Variants in NR3C1 observed in about 807,000 individuals in gnomAD.
NR3C1 encodes the protein nuclear receptor subfamily 3 group C member 1.
Under a neutral mutation model 74.0 loss-of-function variants are expected in NR3C1, and 14 were observed. That is an observed-to-expected ratio of 0.19 (90% confidence interval 0.12 to 0.30). The LOEUF (loss-of-function observed/expected upper bound fraction) is 0.30, where lower values mean the gene tolerates loss of function less well. Ranked by LOEUF, NR3C1 falls within the 10% of genes least tolerant of loss-of-function variation. The probability of loss-of-function intolerance (pLI) is 1.00; values close to 1 mark genes in which losing one functional copy is unlikely to be tolerated. For missense variants in NR3C1, 695 were observed against 909.8 expected, an observed-to-expected ratio of 0.76 and a Z score of 3.04; for synonymous variants, 308 against 332.5, an observed-to-expected ratio of 0.93 and a Z score of 0.80.
At chr5:143,429,391 T>C (rs563401296) in intron 1 of NR3C1, among the ~76,000 whole-genome samples, 2 of 152,322 alleles carry the variant, frequency 1.3e-5, no homozygotes, top group East Asian at 1.9e-4. Flanking sequence ...AGTTTACAGT[T>C]ACAAATTGGT....
At chr5:143,298,906 C>G (rs892483361) in intron 5 of NR3C1, 94 bp from the exon 6 acceptor site, 2 of 1,250,614 alleles carry the variant, frequency 1.6e-6, no homozygotes, top group East Asian at 5.3e-5. Flanking sequence ...TTAGCCCTGT[C>G]AAAACAAGGG....
chr5:143,383,136 C>T (rs1054453390), intron 2 of NR3C1, among the ~76,000 whole-genome samples: 8 of 152,182 alleles, frequency 5.3e-5, no homozygotes, highest in African/African-American at 1.2e-4. Flanking sequence ...GAATGTAACA[C>T]CCATAAACCA....
chr5:143,332,375 G>A (rs1826152252), intron 2 of NR3C1, among the ~76,000 whole-genome samples: 1 of 118,118 alleles, frequency 8.5e-6, no homozygotes, highest in Non-Finnish European at 1.6e-5. Flanking sequence ...TAACATCTGA[G>A]CTATAAGGAT....
intron 2 of NR3C1, among the ~76,000 whole-genome samples, chr5:143,345,222 GTTT>G (rs1056547616): frequency 1.3e-5 from 2 of 152,054 alleles, no homozygotes; most frequent in Non-Finnish European, 2.9e-5. Flanking sequence ...TATTATTATT[GTTT>G]TTTGAGACAG....
rs1443658841 is a variant in NR3C1 at position 143,281,779 on chromosome 5, G to A, written c.*110C>T. 4 of 1,234,696 alleles carry A rather than the reference G, an allele frequency of 3.2e-6. No individual in the cohort carries two copies. The highest frequency in any genetic ancestry group is 1.3e-5 in the South Asian group (1 of 78,174). The allele number at this position is 1,234,696 out of a possible 1,614,324, so 76.5% of individuals were successfully genotyped here. On this transcript the variant is annotated 3_prime_UTR_variant, in exon 9 of 9. Coordinates refer to ENST00000394464, the MANE Select transcript of NR3C1 (RefSeq NM_000176.3). ...GCGTATTTAAAACAAAACAACAGAT[G>A]AAAACAATAAAAAATAAAACAACAA...
intron 2 of NR3C1, among the ~76,000 whole-genome samples, chr5:143,349,151 CAG>C (rs1260277550): frequency 6.6e-6 from 1 of 152,124 alleles, no homozygotes; most frequent in Non-Finnish European, 1.5e-5. Flanking sequence ...GATTGTTAAA[CAG>C]TGGTAGTATA....
At chr5:143,295,247 ACC>A in intron 7 of NR3C1, 1 of 985,046 alleles carries the variant, frequency 1.0e-6, no homozygotes, top group Non-Finnish European at 1.2e-6. Flanking sequence ...CAGCTCATAT[ACC>A]TCTCTGTTTC....
Position 143,348,029 on chromosome 5 carries a change from G to A in NR3C1, c.1185-33861C>T, listed in dbSNP as rs534361026. Among the ~76,000 whole-genome samples the A allele has an allele frequency of 3.3e-5, 5 of 152,232 alleles. No homozygotes were observed. The South Asian group carries it at 1.0e-3, about 32-fold the overall frequency. Reference sequence around the variant, plus strand: ...TGAGGACTACACCCTCAAAATACAGGCAGCTTGACAGAGTAAACCTGCCTA... The same window carrying A: ...TGAGGACTACACCCTCAAAATACAGACAGCTTGACAGAGTAAACCTGCCTA... On this transcript the variant is annotated intron_variant, in intron 2 of 8. Coordinates refer to ENST00000394464, the MANE Select transcript of NR3C1 (RefSeq NM_000176.3).
chr5:143,354,640 A>G lies in NR3C1; in HGVS notation c.1185-40472T>C, dbSNP rs1229500723. On this transcript the variant is annotated intron_variant, in intron 2 of 8. Transcript: ENST00000394464. The stretch of plus-strand genomic sequence containing the variant: ...AGGTTTATGGTGCCTGAAAACAATT[A>G]AAATAGTAACATCAGGCTGGCACGG... Among the ~76,000 whole-genome samples, 4 of 152,180 alleles carry G rather than the reference A, an allele frequency of 2.6e-5. No individual in the cohort carries two copies. In the East Asian group the frequency reaches 5.8e-4, roughly 22 times the overall value.
intron 2 of NR3C1, among the ~76,000 whole-genome samples, chr5:143,341,245 A>G (rs1828164967): frequency 6.6e-6 from 1 of 152,278 alleles, no homozygotes; most frequent in Non-Finnish European, 1.5e-5. Flanking sequence ...GGAAATTTCC[A>G]TCTGCAAAAG....
intron 2 of NR3C1, among the ~76,000 whole-genome samples, chr5:143,319,871 C>T (rs1822974659): frequency 6.6e-6 from 1 of 151,702 alleles, no homozygotes; most frequent in Non-Finnish European, 1.5e-5. Context: ...AACTGCACTA[C>T]TGAAGCAGCC....
intron 8 of NR3C1, 119 bp downstream of exon 8, chr5:143,282,449 C>T: frequency 1.7e-6 from 2 of 1,147,554 alleles, no homozygotes; most frequent in Non-Finnish European, 1.2e-6. Context: ...CAAGCTATCA[C>T]CAACATCCAC....
chr5:143,403,224 G>A lies in NR3C1; in HGVS notation c.-27C>T. ...CTCGCTTCTTACCTCTGGCAGAGGAGCCGCTCGCCCGCCACCGTCCGCAGT... is the reference window on the plus strand; with the variant it reads ...CTCGCTTCTTACCTCTGGCAGAGGAACCGCTCGCCCGCCACCGTCCGCAGT... On this transcript the variant is annotated 5_prime_UTR_variant, in exon 1 of 9. Coordinates refer to ENST00000394464, the MANE Select transcript of NR3C1 (RefSeq NM_000176.3). 1 of 985,378 alleles carries A rather than the reference G, an allele frequency of 1.0e-6. No individual in the cohort carries two copies. Among genetic ancestry groups the A allele is most frequent in the Non-Finnish European group, 1.2e-6 (1 of 830,008 alleles). The allele number at this position is 985,378 out of a possible 1,614,324, so 61.0% of individuals were successfully genotyped here. A position where few individuals can be genotyped will look rare whatever the true frequency, so the allele number is the denominator to read the frequency against.
chr5:143,325,689 G>C (rs1425572691), intron 2 of NR3C1, among the ~76,000 whole-genome samples: 2 of 152,106 alleles, frequency 1.3e-5, no homozygotes, highest in African/African-American at 4.8e-5. Context: ...AGGTATGTAT[G>C]TATAGGAAAA....
At chr5:143,415,947 C>G (rs1342694815) in intron 1 of NR3C1, among the ~76,000 whole-genome samples, 1 of 152,226 alleles carries the variant, frequency 6.6e-6, no homozygotes, top group Non-Finnish European at 1.5e-5. Flanking sequence ...GGACAGGCTA[C>G]TAGCTGGAGA....
At chr5:143,305,542 T>C (rs1210176839) in intron 4 of NR3C1, among the ~76,000 whole-genome samples, 1 of 152,196 alleles carries the variant, frequency 6.6e-6, no homozygotes, top group African/African-American at 2.4e-5. Context: ...GGTATTTATA[T>C]GCCATGGAAT....
chr5:143,300,439 A>C lies in NR3C1; in HGVS notation c.1747+46T>G, dbSNP rs754842365. 4 of 1,613,442 alleles carry C rather than the reference A, an allele frequency of 2.5e-6. No individual in the cohort carries two copies. In the South Asian group the frequency reaches 4.4e-5, roughly 18 times the overall value. On this transcript the variant is annotated intron_variant, in intron 5 of 8. Coordinates refer to ENST00000394464, the MANE Select transcript of NR3C1 (RefSeq NM_000176.3). This position sits in a 1 kb window ranked among gnomAD's most constrained non-coding sequence, Gnocchi z 5.2. ...AAAGCCAAAGTGTTTTTGCTGAAGA[A>C]AACACAAAGGTTTATATAGTTGCTC...
At chr5:143,381,871 G>T (rs1167440141) in intron 2 of NR3C1, among the ~76,000 whole-genome samples, 2 of 152,174 alleles carry the variant, frequency 1.3e-5, no homozygotes, top group Non-Finnish European at 2.9e-5. Flanking sequence ...TATGGGCAAA[G>T]ATTTCTTTAG....
Position 143,300,799 on chromosome 5 carries a change from G to A in NR3C1, c.1469-36C>T, listed in dbSNP as rs1324159451. 1 of 1,587,518 alleles carries A rather than the reference G, an allele frequency of 6.3e-7. No homozygotes were observed. Among genetic ancestry groups the A allele is most frequent in the Non-Finnish European group, 8.6e-7 (1 of 1,158,050 alleles). On this transcript the variant is annotated intron_variant, in intron 4 of 8. Coordinates refer to ENST00000394464, the MANE Select transcript of NR3C1 (RefSeq NM_000176.3). The surrounding 1 kb of genome is among the most constrained non-coding windows in gnomAD (Gnocchi z 5.2). ...TTAAACAAATACATAGAAATGAACTGTAATGGGAAGGTCTGCGCTACACAG... is the reference window on the plus strand; with the variant it reads ...TTAAACAAATACATAGAAATGAACTATAATGGGAAGGTCTGCGCTACACAG...
Sources: gnomAD v4.1 joint callset for allele counts (sites outside exome capture counted in the v4.1 genomes callset) on GRCh38, gnomAD v4.1.1 for gene constraint, Gnocchi (gnomAD v3.1) non-coding constraint, MANE v1.5 for transcripts, NCBI Gene and HGNC (gene_info 2026-07-23, HGNC 2026-07-21) for gene names.